PLXDC2: variants seen among roughly 807,000 people sequenced by gnomAD.
The protein encoded by PLXDC2 is plexin domain-containing protein 2.
A neutral mutation model predicts 68.9 loss-of-function variants in PLXDC2; 40 were observed. The observed-to-expected ratio is 0.58, with a 90% CI of 0.45 to 0.76. The LOEUF is 0.76. PLXDC2 is among the 30% of genes least tolerant of loss of function. The pLI is 0.00. For missense variants in PLXDC2, 644 were observed against 661.9 expected, an observed-to-expected ratio of 0.97 and a Z score of 0.30; for synonymous variants, 243 against 234.2, an observed-to-expected ratio of 1.04 and a Z score of -0.34.
At chr10:19,906,683 G>C (rs1273704930) in intron 1 of PLXDC2, among the ~76,000 whole-genome samples, 1 of 152,082 alleles carries the variant, frequency 6.6e-6, no homozygotes, top group Non-Finnish European at 1.5e-5. Context: ...ATCCAGGAAG[G>C]GGCAGTTTCT....
At chr10:20,189,230 A>C (rs982830543) in intron 9 of PLXDC2, among the ~76,000 whole-genome samples, 1 of 151,296 alleles carries the variant, frequency 6.6e-6, no homozygotes, top group African/African-American at 2.4e-5. Context: ...TATCCATAAC[A>C]TAAAAGCATT....
At chr10:20,108,361 A>G (rs1267554808) in intron 4 of PLXDC2, among the ~76,000 whole-genome samples, 1 of 152,224 alleles carries the variant, frequency 6.6e-6, no homozygotes, top group African/African-American at 2.4e-5. Flanking sequence ...ACTCTAAGGC[A>G]TCCTACAATT....
At chr10:20,011,541 G>A (rs993000934) in intron 2 of PLXDC2, among the ~76,000 whole-genome samples, 7 of 152,184 alleles carry the variant, frequency 4.6e-5, no homozygotes, top group Non-Finnish European at 8.8e-5. Flanking sequence ...CCCTGTGGGG[G>A]CCATAACTCA....
intron 3 of PLXDC2, among the ~76,000 whole-genome samples, chr10:20,059,456 A>T (rs1836060212): frequency 6.6e-6 from 1 of 152,216 alleles, no homozygotes; most frequent in African/African-American, 2.4e-5. Flanking sequence ...CCATCAGCTA[A>T]TTGAAAATGT....
chr10:20,062,802 G>A (rs1309573051), intron 3 of PLXDC2, among the ~76,000 whole-genome samples: 1 of 151,906 alleles, frequency 6.6e-6, no homozygotes, highest in African/African-American at 2.4e-5. Flanking sequence ...ATAGGTATAT[G>A]GTGTTTATTG....
At chr10:20,109,114 C>T (rs1030518047) in intron 4 of PLXDC2, among the ~76,000 whole-genome samples, 7 of 152,138 alleles carry the variant, frequency 4.6e-5, no homozygotes, top group South Asian at 4.1e-4. Flanking sequence ...GCTAACCTGG[C>T]GCTCAGGGAG....
At chr10:19,984,820 A>T (rs1834608770) in intron 1 of PLXDC2, among the ~76,000 whole-genome samples, 1 of 152,264 alleles carries the variant, frequency 6.6e-6, no homozygotes, top group South Asian at 2.1e-4. Flanking sequence ...CAGGAACACC[A>T]TGTGATTTTA....
At chr10:19,987,027 G>A (rs1834652884) in intron 1 of PLXDC2, among the ~76,000 whole-genome samples, 1 of 152,170 alleles carries the variant, frequency 6.6e-6, no homozygotes, top group African/African-American at 2.4e-5. Context: ...GTATTTCACT[G>A]ATATCTCCCT....
chr10:20,075,290 G>C (rs142645130), intron 4 of PLXDC2, among the ~76,000 whole-genome samples: 250 of 152,268 alleles, frequency 1.6e-3, no homozygotes, highest in African/African-American at 5.7e-3. Flanking sequence ...CTAGGCTCAA[G>C]TGATCCTCCC....
chr10:19,823,655 A>G (rs1359209982), intron 1 of PLXDC2, among the ~76,000 whole-genome samples: 1 of 151,244 alleles, frequency 6.6e-6, no homozygotes, highest in Non-Finnish European at 1.5e-5. Flanking sequence ...TGGGCGACAG[A>G]GCAAGACTTC....
In PLXDC2 at chr10:20,279,931, C is replaced by A; in HGVS notation, c.*112C>A. 1.3e-6 allele frequency: 1 copy of A among 786,868 alleles called. No homozygotes were observed. The highest frequency in any genetic ancestry group is 2.1e-6 in the Non-Finnish European group (1 of 475,932). 48.7% of individuals were successfully genotyped at this position (786,868 alleles called of 1,614,324 possible). On this transcript the variant is annotated 3_prime_UTR_variant, in exon 14 of 14. Transcript: ENST00000377252. ...ACACACACAAACAAGCTCTAAGCTG[C>A]TGTAGCCTGAAGAAGACAAGATTTC... is the stretch of plus-strand genomic sequence containing the variant.
chr10:20,016,560 A>T (rs2884507), intron 2 of PLXDC2, among the ~76,000 whole-genome samples: 92,611 of 152,038 alleles, frequency 0.61, 28,558 homozygotes, highest in Non-Finnish European at 0.65. Context: ...AATACACTGA[A>T]GAAAAACAGA....
chr10:20,008,535 G>A (rs1427356192), intron 2 of PLXDC2, among the ~76,000 whole-genome samples: 7 of 152,212 alleles, frequency 4.6e-5, no homozygotes, highest in African/African-American at 1.2e-4. Flanking sequence ...CCTGGGTGAC[G>A]AAAGTGAAAC....
At chr10:20,129,428 G>C (rs2131774354) in intron 4 of PLXDC2, among the ~76,000 whole-genome samples, 1 of 151,830 alleles carries the variant, frequency 6.6e-6, no homozygotes, top group African/African-American at 2.4e-5. Flanking sequence ...GTTTTCTCTT[G>C]ACTCTGTTGA....
At chr10:19,962,437 C>CTGCAG (rs1834172607) in intron 1 of PLXDC2, among the ~76,000 whole-genome samples, 1 of 118,616 alleles carries the variant, frequency 8.4e-6, no homozygotes, top group African/African-American at 3.2e-5. Flanking sequence ...GTGAACCAGG[C>CTGCAG]TGCAGTGCAG....
rs7072650 is a variant in PLXDC2 at position 20,068,254 on chromosome 10, A to T, written c.541+15A>T. The T allele has an allele frequency of 2.5e-6, 4 of 1,591,512 alleles. No individual in the cohort carries two copies. In the South Asian group the frequency reaches 4.4e-5, roughly 18 times the overall value. On this transcript the variant is annotated intron_variant, in intron 4 of 13. Coordinates refer to ENST00000377252, the MANE Select transcript of PLXDC2 (RefSeq NM_032812.9). ...GGCAACCGGGGGTAAGTGGTTTTCT[A>T]CCCATTCACCTTAAGTAATCTATGG...
chr10:19,950,812 T>G (rs138962623), intron 1 of PLXDC2, among the ~76,000 whole-genome samples: 4 of 152,168 alleles, frequency 2.6e-5, no homozygotes, highest in African/African-American at 9.6e-5. Flanking sequence ...CACATAGACC[T>G]ATACAACAGA....
chr10:20,221,246 T>A (rs763798925), intron 12 of PLXDC2, among the ~76,000 whole-genome samples: 1 of 152,182 alleles, frequency 6.6e-6, no homozygotes, highest in Non-Finnish European at 1.5e-5. Flanking sequence ...TGAAAATACT[T>A]AGTTTTGTTT....
intron 4 of PLXDC2, among the ~76,000 whole-genome samples, chr10:20,098,889 C>T (rs1214846943): frequency 1.3e-5 from 2 of 152,016 alleles, no homozygotes; most frequent in Non-Finnish European, 2.9e-5. Flanking sequence ...TTTCGTGGGC[C>T]CTATTCTCCA....
Sources: gnomAD v4.1 joint callset for allele counts (sites outside exome capture counted in the v4.1 genomes callset) on GRCh38, gnomAD v4.1.1 for gene constraint, MANE v1.5 for transcripts, NCBI Gene and HGNC (gene_info 2026-07-23, HGNC 2026-07-21) for gene names.